The following PRDM2 variants were observed in gnomAD, a reference collection of about 807,000 sequenced individuals.
PRDM2 encodes the protein PR domain zinc finger protein 2.
Under a neutral mutation model 130.0 loss-of-function variants are expected in PRDM2, and 30 were observed. The ratio of observed to expected loss-of-function variants is 0.23; its 90% CI spans 0.17 to 0.31. The LOEUF (loss-of-function observed/expected upper bound fraction) is 0.31, where lower values mean the gene tolerates loss of function less well. Among genes scored for constraint, PRDM2 ranks in the 10% least tolerant of loss-of-function variants. The probability of loss-of-function intolerance (pLI) is 1.00; values close to 1 mark genes in which losing one functional copy is unlikely to be tolerated. For missense variants in PRDM2, 2,011 were observed against 2,108.4 expected (o/e 0.95, Z 0.90); for synonymous variants, 871 against 782.4 (o/e 1.11, Z -1.89).
chr1:13,776,270 CA>C lies in PRDM2; in HGVS notation c.623-2146del, dbSNP rs150069438. On this transcript the variant is annotated intron_variant, in intron 7 of 9. Transcript: ENST00000311066. The stretch of plus-strand genomic sequence containing the variant: ...ATAGTGGGTGCTAAGTCAGTATTTG[CA>C]AGTGATTGGGGGAACAGCCAGGTAA... Among the ~76,000 whole-genome samples the C allele has an allele frequency of 2.8e-4, 42 of 152,198 alleles. No individual in the cohort carries two copies. In the East Asian group the frequency reaches 7.7e-3, roughly 28 times the overall value.
chr1:13,725,024 C>G (rs1268168068), intron 2 of PRDM2, among the ~76,000 whole-genome samples: 2 of 152,168 alleles, frequency 1.3e-5, no homozygotes, highest in Non-Finnish European at 2.9e-5. Context: ...GTCCTGTCTT[C>G]TTAGCCCTGA....
At chr1:13,748,756 T>G (rs557445649) in intron 5 of PRDM2, among the ~76,000 whole-genome samples, 1 of 152,192 alleles carries the variant, frequency 6.6e-6, no homozygotes, top group Admixed American at 6.5e-5. Context: ...AAAGTTAAAA[T>G]GTGGAAGTTT....
rs372055100 is a variant in PRDM2 at position 13,786,429 on chromosome 1, C to T, written c.5036+3598C>T. On this transcript the variant is annotated intron_variant, in intron 8 of 9. Coordinates refer to ENST00000311066, the MANE Select transcript of PRDM2 (RefSeq NM_001393986.1). ...TGTCGTCTTAATAACATTTGTCTTA[C>T]GGTCTATTCACCTTTTTCTTTAACA... The T allele has an allele frequency of 4.7e-4, 711 of 1,527,880 alleles. 4 individuals are homozygous for T. The highest frequency in any genetic ancestry group is 4.2e-4 in the South Asian group (37 of 87,636). The allele number at this position is 1,527,880 out of a possible 1,614,324, so 94.6% of individuals were successfully genotyped here.
Position 13,771,868 on chromosome 1 carries a change from T to G in PRDM2, c.512-1210T>G, listed in dbSNP as rs79723360. 6.6e-6 allele frequency: 1 copy of G among 152,242 alleles called. No homozygotes were observed. The highest frequency in any genetic ancestry group is 2.4e-5 in the African/African-American group (1 of 41,450). The allele number at this position is 152,242 out of a possible 1,614,324, so 9.4% of individuals were successfully genotyped here. ...GTGTTTTTTAGGATTTGTTTTTGCT[T>G]TGTATTGTATTTGATGTTTCTACTT... is the stretch of plus-strand genomic sequence containing the variant. On this transcript the variant is annotated intron_variant, in intron 6 of 9. Coordinates refer to ENST00000311066, the MANE Select transcript of PRDM2 (RefSeq NM_001393986.1). The surrounding 1 kb of genome is among the most constrained non-coding windows in gnomAD (Gnocchi z 4.1).
chr1:13,793,841 A>G (rs969732136), intron 8 of PRDM2, among the ~76,000 whole-genome samples: 6 of 152,140 alleles, frequency 3.9e-5, no homozygotes, highest in African/African-American at 1.2e-4. Flanking sequence ...TATCGCAAAA[A>G]AAAAAGTTAG....
chr1:13,730,927 C>T (rs1462299021), intron 2 of PRDM2, 73 bp from the exon 3 acceptor site: 2 of 1,132,022 alleles, frequency 1.8e-6, no homozygotes, highest in South Asian at 1.5e-5. Context: ...GCTTATTGAA[C>T]CAGAAAAAAA....
At chr1:13,782,872 G>A (rs1433202906) in intron 8 of PRDM2, 41 bp downstream of exon 8, 6 of 1,603,274 alleles carry the variant, frequency 3.7e-6, no homozygotes, top group South Asian at 3.3e-5. Flanking sequence ...CCGGGAAGGC[G>A]ACAGTATCCT....
At chr1:13,792,925 G>T (rs1417859521) in intron 8 of PRDM2, among the ~76,000 whole-genome samples, 1 of 152,228 alleles carries the variant, frequency 6.6e-6, no homozygotes, top group Non-Finnish European at 1.5e-5. Flanking sequence ...ATGGCTACAA[G>T]TGGAGACCCC....
intron 6 of PRDM2, among the ~76,000 whole-genome samples, chr1:13,758,369 C>T (rs937897504): frequency 6.6e-6 from 1 of 150,590 alleles, no homozygotes; most frequent in Non-Finnish European, 1.5e-5. Context: ...ATCGCTTGAA[C>T]TTGGGAGGCG....
intron 6 of PRDM2, among the ~76,000 whole-genome samples, chr1:13,751,171 C>G (rs1463910014): frequency 6.6e-6 from 1 of 152,082 alleles, no homozygotes; most frequent in Non-Finnish European, 1.5e-5. Context: ...TGAACATATA[C>G]TTTTTGTTTT....
At chr1:13,702,328 C>T (rs941057862) in intron 1 of PRDM2, among the ~76,000 whole-genome samples, 3 of 152,078 alleles carry the variant, frequency 2.0e-5, no homozygotes, top group African/African-American at 4.8e-5. Context: ...GTGGATGGGC[C>T]GTAAGTTATC....
At chr1:13,731,585 C>A (rs1364158451) in intron 3 of PRDM2, among the ~76,000 whole-genome samples, 1 of 152,148 alleles carries the variant, frequency 6.6e-6, no homozygotes, top group African/African-American at 2.4e-5. Flanking sequence ...ACTTTGTGGA[C>A]CCTCAGTAGA....
chr1:13,820,858 C>T (rs1252848819), intron 9 of PRDM2, among the ~76,000 whole-genome samples: 1 of 152,128 alleles, frequency 6.6e-6, no homozygotes, highest in East Asian at 1.9e-4. Context: ...GCTGGCCACG[C>T]CAGGCCAAGG....
At chr1:13,762,217 G>T (rs1557629760) in intron 6 of PRDM2, among the ~76,000 whole-genome samples, 1 of 152,250 alleles carries the variant, frequency 6.6e-6, no homozygotes, top group Non-Finnish European at 1.5e-5. Flanking sequence ...TATCAGAGCT[G>T]GTTCCCATCT....
chr1:13,791,868 ATTTCT>A (rs1028941099), intron 8 of PRDM2, among the ~76,000 whole-genome samples: 6 of 152,284 alleles, frequency 3.9e-5, no homozygotes, highest in Admixed American at 2.6e-4. Context: ...TGTCAGCTGG[ATTTCT>A]TTTCAACTCT....
intron 4 of PRDM2, among the ~76,000 whole-genome samples, chr1:13,735,899 T>C (rs2463867): frequency 0.025 from 3,844 of 152,324 alleles, 64 homozygotes; most frequent in Middle Eastern, 0.041. Flanking sequence ...GCGCAACCAC[T>C]GTGAACATCT....
chr1:13,760,346 T>A (rs1028640071), intron 6 of PRDM2, among the ~76,000 whole-genome samples: 1 of 152,094 alleles, frequency 6.6e-6, no homozygotes, highest in East Asian at 1.9e-4. Context: ...AAAAAAAACC[T>A]GCCTAAAAAT....
chr1:13,822,609 G>A (rs1396469591), intron 9 of PRDM2, among the ~76,000 whole-genome samples: 4 of 151,982 alleles, frequency 2.6e-5, no homozygotes, highest in Non-Finnish European at 4.4e-5. Flanking sequence ...AGCCAGGATG[G>A]TCTCAATCTC....
intron 6 of PRDM2, among the ~76,000 whole-genome samples, chr1:13,756,042 G>A (rs1475468222): frequency 2.0e-5 from 3 of 151,292 alleles, no homozygotes; most frequent in Non-Finnish European, 4.4e-5. Context: ...ACAAGGTCAG[G>A]AGATCGAGAC....
Sources: gnomAD v4.1 joint callset for allele counts (sites outside exome capture counted in the v4.1 genomes callset) on GRCh38, gnomAD v4.1.1 for gene constraint, Gnocchi (gnomAD v3.1) non-coding constraint, MANE v1.5 for transcripts, NCBI Gene and HGNC (gene_info 2026-07-23, HGNC 2026-07-21) for gene names.